Variants in CTBP1 observed in about 807,000 individuals in gnomAD.
The protein encoded by CTBP1 is C-terminal-binding protein 1.
In CTBP1, 11 loss-of-function variants were observed where a neutral mutation model predicts 42.1. That is an observed-to-expected ratio of 0.26 (90% CI 0.16 to 0.43). The LOEUF is 0.43. Ranked by LOEUF, CTBP1 falls within the 20% of genes least tolerant of loss-of-function variation. CTBP1 has a pLI of 1.00. For synonymous variants in CTBP1, 324 were observed against 277.1 expected, an observed-to-expected ratio of 1.17 and a Z score of -1.68; for missense variants, 399 against 624.3, an observed-to-expected ratio of 0.64 and a Z score of 3.85.
chr4:1,212,958 A>G lies in CTBP1; in HGVS notation c.1061T>C (p.Met354Thr), dbSNP rs1191116395. ...HLTAATHWAS[M>T]DPAVVHPELN... Reference sequence around the variant, plus strand: ...CTCAGGGTGCACGACGGCGGGGTCCATGCTGGCCCAGTGGGTGGCGGCTGT... The same window carrying G: ...CTCAGGGTGCACGACGGCGGGGTCCGTGCTGGCCCAGTGGGTGGCGGCTGT... The change falls in exon 9 of 10, where the codon ATG becomes ACG. Residue 354 changes from methionine (M) to threonine (T), a missense_variant. By Grantham distance (81) the Met-to-Thr change is moderately conservative. Transcript: ENST00000382952. 6.2e-7 allele frequency: 1 copy of G among 1,613,740 alleles called. No individual in the cohort carries two copies. The highest frequency in any genetic ancestry group is 1.3e-5 in the African/African-American group (1 of 74,922).
intron 5 of CTBP1, chr4:1,221,979 C>T: frequency 3.3e-6 from 1 of 306,094 alleles, no homozygotes. Context: ...CGCCGAGTGG[C>T]ACCAACACCG....
At chr4:1,240,782 G>A (rs1732095333) in intron 2 of CTBP1, among the ~76,000 whole-genome samples, 1 of 152,126 alleles carries the variant, frequency 6.6e-6, no homozygotes, top group South Asian at 2.1e-4. Flanking sequence ...AGGGTTCCCC[G>A]GACAGCCCAC....
At chr4:1,234,600 T>C (rs1404191309) in intron 3 of CTBP1, 1 of 152,290 alleles carries the variant, frequency 6.6e-6, no homozygotes, top group Non-Finnish European at 1.5e-5. Context: ...AGTTTGGGAT[T>C]ACTGCAATTT....
Position 1,243,113 on chromosome 4 carries a change from G to A in CTBP1, c.-188-1594C>T, listed in dbSNP as rs948130701. ...ATGCTACCCACGGTGGCCCAGTACCGGCTGCTGCTCGTCAAGACCGGCCAA... is the reference window on the plus strand; with the variant it reads ...ATGCTACCCACGGTGGCCCAGTACCAGCTGCTGCTCGTCAAGACCGGCCAA... On this transcript the variant is annotated intron_variant, in intron 1 of 9. Coordinates refer to ENST00000382952, the MANE Select transcript of CTBP1 (RefSeq NM_001012614.2). The A allele has an allele frequency of 2.2e-5, 22 of 985,274 alleles. 2 individuals carry two copies. In the East Asian group the frequency reaches 3.4e-4, roughly 15 times the overall value. The allele number at this position is 985,274 out of a possible 1,614,324, so 61.0% of individuals were successfully genotyped here. A position where few individuals can be genotyped will look rare whatever the true frequency, so the allele number is the denominator to read the frequency against.
In CTBP1 at chr4:1,238,996, G is replaced by C. The variant is rs1731872259; in HGVS notation, c.8-659C>G. Among the ~76,000 whole-genome samples, 1 of 152,160 alleles carries C rather than the reference G, an allele frequency of 6.6e-6. No individual in the cohort carries two copies. The highest frequency in any genetic ancestry group is 1.5e-5 in the Non-Finnish European group (1 of 68,032). On this transcript the variant is annotated intron_variant, in intron 2 of 9. Coordinates refer to ENST00000382952, the MANE Select transcript of CTBP1 (RefSeq NM_001012614.2). This position sits in a 1 kb window ranked among gnomAD's most constrained non-coding sequence, Gnocchi z 5.9. ...GATGGGGTCACCAGTGTTTCACGTA[G>C]GACGCCCCCAACCCTCTGCCTGGCA...
rs750235732 is a variant in CTBP1 at position 1,241,469 on chromosome 4, G to A, written c.-138C>T. 6.2e-7 allele frequency: 1 copy of A among 1,605,714 alleles called. No homozygotes were observed. Among genetic ancestry groups the A allele is most frequent in the Non-Finnish European group, 8.5e-7 (1 of 1,176,104 alleles). ...TAATTGTCTCGAGCCAAAGTGCTCA[G>A]GCTTCTGATCCGCGGCAATCACTGA... On this transcript the variant is annotated 5_prime_UTR_variant, in exon 2 of 10. Transcript: ENST00000382952.
rs112053976 is a variant in CTBP1 at position 1,216,335 on chromosome 4, C to G, written c.515-130G>C. On this transcript the variant is annotated intron_variant, in intron 5 of 9. Transcript: ENST00000382952. ...TGCCAAGGATGACACCAGCTGTGGT[C>G]AAGCCAAGGTGCCCACGCACGCTCC... The G allele has an allele frequency of 3.2e-4, 304 of 954,348 alleles. 2 individuals are homozygous for G. The African/African-American group carries it at 4.5e-3, about 14-fold the overall frequency. The allele number at this position is 954,348 out of a possible 1,614,324, so 59.1% of individuals were successfully genotyped here.
At position 1,225,448 on chromosome 4, in the gene CTBP1, G is replaced by A. The variant is rs1368128013; in HGVS notation, c.426C>T (p.Gly142=). 6.5e-7 allele frequency: 1 copy of A among 1,544,662 alleles called. No individual in the cohort carries two copies. Among genetic ancestry groups the A allele is most frequent in the South Asian group, 1.2e-5 (1 of 84,112 alleles). ...TCTGCTCGACGCTCTGGACTCGTGT[G>A]CCCTCCCGCAGCGCCTGGTGCAGCC... ...ATWLHQALRE[G]TRVQSVEQIR... The change falls in exon 5 of 10, where the codon GGC becomes GGT. Residue 142 remains glycine (G), a synonymous_variant. Coordinates refer to ENST00000382952, the MANE Select transcript of CTBP1 (RefSeq NM_001012614.2).
chr4:1,232,526 G>A (rs1731064452), intron 3 of CTBP1, among the ~76,000 whole-genome samples: 1 of 152,054 alleles, frequency 6.6e-6, no homozygotes, highest in Non-Finnish European at 1.5e-5. Context: ...TGCCCAGGCT[G>A]GTCTTGAACT....
Position 1,216,379 on chromosome 4 carries a change from C to T in CTBP1, c.515-174G>A, listed in dbSNP as rs1393338460. The T allele has an allele frequency of 2.8e-5, 18 of 642,684 alleles. 1 individual carries two copies. The highest frequency in any genetic ancestry group is 4.2e-4 in the Middle Eastern group (1 of 2,388). 39.8% of individuals were successfully genotyped at this position (642,684 alleles called of 1,614,324 possible). Reference sequence around the variant, plus strand: ...ACGCTCCACACGAGCGCTCCACGTCCGCTCCAACGCGCCCACTGCCAAGGC... The same window carrying T: ...ACGCTCCACACGAGCGCTCCACGTCTGCTCCAACGCGCCCACTGCCAAGGC... On this transcript the variant is annotated intron_variant, in intron 5 of 9. Transcript: ENST00000382952.
At chr4:1,249,491 C>CGCCGCA (rs142904753), upstream of CTBP1, 62,988 of 157,826 alleles carry the variant, frequency 0.4, 13,191 homozygotes, top group Non-Finnish European at 0.46. Context: ...CGCTCCTCCG[C>CGCCGCA]GCCGCAGCCG....
intron 1 of CTBP1, chr4:1,241,869 G>T (rs1732215996): frequency 8.9e-7 from 1 of 1,119,792 alleles, no homozygotes; most frequent in South Asian, 2.1e-5. Flanking sequence ...AGGGCACAGG[G>T]TGTGTGCTGT....
chr4:1,213,450 G>C, intron 8 of CTBP1, 28 bp downstream of exon 8: 1 of 1,605,634 alleles, frequency 6.2e-7, no homozygotes, highest in Non-Finnish European at 8.5e-7. Context: ...GGGACCCCCA[G>C]GCCTGACCGA....
At chr4:1,214,648 G>A (rs1390044846) in intron 6 of CTBP1, among the ~76,000 whole-genome samples, 175 bp from the exon 7 acceptor site, 2 of 152,228 alleles carry the variant, frequency 1.3e-5, no homozygotes, top group African/African-American at 4.8e-5. Context: ...GCTGCACCGC[G>A]GCCCTGACAG....
intron 6 of CTBP1, chr4:1,215,589 G>A (rs770689671): frequency 7.1e-6 from 2 of 282,104 alleles, no homozygotes; most frequent in Non-Finnish European, 1.4e-5. Flanking sequence ...CTTTCCAGCT[G>A]CAGATGTCAG....
chr4:1,225,493 G>C lies in CTBP1; in HGVS notation c.381C>G (p.Asn127Lys). Residue 127 changes from asparagine (N) to lysine (K), a missense_variant, in exon 5 of 10, where the codon AAC becomes AAG. By Grantham distance (94) the Asn-to-Lys change is moderately conservative (BLOSUM62 0). Coordinates refer to ENST00000382952, the MANE Select transcript of CTBP1 (RefSeq NM_001012614.2). ...GCAGCCAGGTGGCCCGCCGGTACAG[G>C]TTCAGGATGTGGCACAGCGTCGAGT... ...TADSTLCHIL[N>K]LYRRATWLHQ... is the part of the protein sequence containing the mutation. The C allele has an allele frequency of 6.5e-7, 1 of 1,546,232 alleles. No homozygotes were observed.
chr4:1,243,519 A>C (rs1732404396), intron 1 of CTBP1: 8 of 985,338 alleles, frequency 8.1e-6, no homozygotes, highest in Non-Finnish European at 9.6e-6. Flanking sequence ...CTGTCTCAGA[A>C]ACAGCCCTGG....
intron 5 of CTBP1, among the ~76,000 whole-genome samples, chr4:1,224,488 C>T (rs898684479): frequency 3.3e-5 from 5 of 150,640 alleles, no homozygotes; most frequent in Non-Finnish European, 7.4e-5. Flanking sequence ...CTGTGATGTC[C>T]GTGTGTGATG....
rs1447547978 is a variant in CTBP1 at position 1,235,875 on chromosome 4, T to C, written c.162+2308A>G. The C allele has an allele frequency of 6.6e-6, 1 of 152,244 alleles. No individual in the cohort carries two copies. The highest frequency in any genetic ancestry group is 1.5e-5 in the Non-Finnish European group (1 of 68,042). The allele number at this position is 152,244 out of a possible 1,614,324, so 9.4% of individuals were successfully genotyped here. On this transcript the variant is annotated intron_variant, in intron 3 of 9. Transcript: ENST00000382952. The surrounding 1 kb of genome is among the most constrained non-coding windows in gnomAD (Gnocchi z 4.2). ...TCTAAAGGGGCCGTCTTACTTCTTT[T>C]GCCAGGCACCTGGGGCCGGCAGTGC... is the stretch of plus-strand genomic sequence containing the variant.
Sources: gnomAD v4.1 joint callset for allele counts (sites outside exome capture counted in the v4.1 genomes callset) on GRCh38, gnomAD v4.1.1 for gene constraint, Gnocchi (gnomAD v3.1) non-coding constraint, MANE v1.5 for transcripts, NCBI Gene and HGNC (gene_info 2026-07-23, HGNC 2026-07-21) for gene names.